PID1: variants seen among roughly 807,000 people sequenced by gnomAD.
PID1 encodes PTB-containing, cubilin and LRP1-interacting protein.
PID1 carries 10 observed loss-of-function variants against 19.1 expected under a neutral mutation model. That is an observed-to-expected ratio of 0.52 (90% CI 0.32 to 0.89). The LOEUF (loss-of-function observed/expected upper bound fraction) is 0.89, where lower values mean the gene tolerates loss of function less well. PID1 is among the 40% of genes least tolerant of loss of function. The pLI is 0.03. For synonymous variants in PID1, 130 were observed against 116.0 expected (o/e 1.12, Z -0.78); for missense variants, 248 against 285.3 (o/e 0.87, Z 0.94).
chr2:229,209,831 T>A (rs1343670889), intron 1 of PID1, among the ~76,000 whole-genome samples: 1 of 152,194 alleles, frequency 6.6e-6, no homozygotes, highest in Admixed American at 6.5e-5. Context: ...AGGTTCATTT[T>A]TATTTGTCAA....
At chr2:229,193,090 G>C (rs1003516181) in intron 1 of PID1, among the ~76,000 whole-genome samples, 5 of 152,174 alleles carry the variant, frequency 3.3e-5, no homozygotes, top group African/African-American at 7.2e-5. Context: ...ACTCTATCTT[G>C]TGATTTAATG....
intron 2 of PID1, among the ~76,000 whole-genome samples, chr2:229,057,135 A>G (rs1039289159): frequency 6.6e-6 from 1 of 152,058 alleles, no homozygotes; most frequent in Non-Finnish European, 1.5e-5. Flanking sequence ...AGAAGAACGT[A>G]AAAGTTAAAA....
At chr2:229,254,833 T>C (rs957041909) in intron 1 of PID1, among the ~76,000 whole-genome samples, 1 of 152,230 alleles carries the variant, frequency 6.6e-6, no homozygotes, top group African/African-American at 2.4e-5. Flanking sequence ...ATATTTGTAT[T>C]TTCTGAGTTT....
chr2:229,043,205 CAT>C (rs1264943176), intron 2 of PID1, among the ~76,000 whole-genome samples: 2 of 152,022 alleles, frequency 1.3e-5, no homozygotes, highest in Admixed American at 6.6e-5. Flanking sequence ...GAGGTTTTGC[CAT>C]GTTGGCCAGG....
Position 229,146,294 on chromosome 2 carries a change from A to T in PID1, c.177+9524T>A, listed in dbSNP as rs150741499. ...TTAAACAGTGAGAACACATGGACAC[A>T]GGGAGAGGAACAACACACTCCAGGG... On this transcript the variant is annotated intron_variant, in intron 2 of 2. Coordinates refer to ENST00000392055, the MANE Select transcript of PID1 (RefSeq NM_001100818.2). Among the ~76,000 whole-genome samples the T allele has an allele frequency of 7.5e-3, 1,141 of 152,236 alleles. 7 individuals are homozygous for T. Among genetic ancestry groups the T allele is most frequent in the South Asian group, 0.012 (56 of 4,824 alleles).
At chr2:229,086,252 A>G (rs1217590028) in intron 2 of PID1, among the ~76,000 whole-genome samples, 1 of 152,210 alleles carries the variant, frequency 6.6e-6, no homozygotes, top group African/African-American at 2.4e-5. Context: ...TCAAAAATGT[A>G]TTAAATACAT....
intron 1 of PID1, among the ~76,000 whole-genome samples, chr2:229,251,382 A>T (rs1280213275): frequency 6.6e-6 from 1 of 152,132 alleles, no homozygotes. Context: ...TTGGTCAAGA[A>T]TTACTAATCA....
At chr2:229,216,303 A>C (rs1349024841) in intron 1 of PID1, among the ~76,000 whole-genome samples, 1 of 152,130 alleles carries the variant, frequency 6.6e-6, no homozygotes, top group Non-Finnish European at 1.5e-5. Context: ...GGACGCTCAG[A>C]CTCATTGGAA....
intron 2 of PID1, among the ~76,000 whole-genome samples, chr2:229,068,349 C>T (rs916213617): frequency 1.3e-5 from 2 of 152,070 alleles, no homozygotes; most frequent in Non-Finnish European, 2.9e-5. Flanking sequence ...TCTCTACCTC[C>T]CACTTTTATT....
At chr2:229,037,997 G>A (rs545615581) in intron 2 of PID1, among the ~76,000 whole-genome samples, 5 of 152,126 alleles carry the variant, frequency 3.3e-5, no homozygotes, top group Admixed American at 2.0e-4. Flanking sequence ...ATTTTCCTTC[G>A]TGCACAACTC....
At chr2:229,132,204 C>A (rs1160674701) in intron 2 of PID1, among the ~76,000 whole-genome samples, 1 of 152,112 alleles carries the variant, frequency 6.6e-6, no homozygotes, top group Non-Finnish European at 1.5e-5. Flanking sequence ...ATAGACAAAG[C>A]CTTGTTCTAT....
At chr2:229,246,437 A>C (rs749363990) in intron 1 of PID1, among the ~76,000 whole-genome samples, 25 of 152,158 alleles carry the variant, frequency 1.6e-4, no homozygotes, top group Non-Finnish European at 3.5e-4. Flanking sequence ...AGAAACACAC[A>C]TACACATAAT....
chr2:229,142,076 C>T lies in PID1; in HGVS notation c.177+13742G>A, dbSNP rs74681298. 9.1e-3 allele frequency among the ~76,000 whole-genome samples: 1,389 copies of T among 151,988 alleles called. 10 individuals carry two copies. Among genetic ancestry groups the T allele is most frequent in the Non-Finnish European group, 0.013 (854 of 67,954 alleles). On this transcript the variant is annotated intron_variant, in intron 2 of 2. Coordinates refer to ENST00000392055, the MANE Select transcript of PID1 (RefSeq NM_001100818.2). Reference sequence around the variant, plus strand: ...TTTTATGACCCCGTGTTATTTATTGCCACTTTTTGGTCATATCTTATTTGT... The same window carrying T: ...TTTTATGACCCCGTGTTATTTATTGTCACTTTTTGGTCATATCTTATTTGT...
At chr2:229,218,293 CAAAAAAAAAAAA>C (rs67801043) in intron 1 of PID1, among the ~76,000 whole-genome samples, 8 of 67,598 alleles carry the variant, frequency 1.2e-4, no homozygotes, top group Non-Finnish European at 1.6e-4. Context: ...GTTTCCTGAG[CAAAAAAAAAAAA>C]AAAAAAAAAA....
In PID1 at chr2:229,094,505, A is replaced by G. The variant is rs1382400899; in HGVS notation, c.177+61313T>C. ...AAAGCAATCATAAGCAAAAAGAACA[A>G]ATCTAGGGGCATCACATTGCCTGAC... On this transcript the variant is annotated intron_variant, in intron 2 of 2. Coordinates refer to ENST00000392055, the MANE Select transcript of PID1 (RefSeq NM_001100818.2). 3.9e-5 allele frequency among the ~76,000 whole-genome samples: 6 copies of G among 152,148 alleles called. 1 individual carries two copies. Among genetic ancestry groups the G allele is most frequent in the African/African-American group, 1.4e-4 (6 of 41,450 alleles).
chr2:229,224,197 T>C (rs529414379), intron 1 of PID1, among the ~76,000 whole-genome samples: 63 of 152,292 alleles, frequency 4.1e-4, no homozygotes, highest in Middle Eastern at 3.4e-3. Flanking sequence ...TTGGCGATGA[T>C]GCAAAGAAAA....
At chr2:229,088,751 G>GA (rs1368340872) in intron 2 of PID1, among the ~76,000 whole-genome samples, 77 of 152,038 alleles carry the variant, frequency 5.1e-4, no homozygotes, top group African/African-American at 1.8e-3. Context: ...AAAATCAGAG[G>GA]CAAAAATACA....
intron 2 of PID1, among the ~76,000 whole-genome samples, chr2:229,108,689 C>T (rs941924860): frequency 1.3e-5 from 2 of 152,160 alleles, no homozygotes; most frequent in Non-Finnish European, 2.9e-5. Context: ...CTAGCAACTA[C>T]GGAATATGAA....
intron 2 of PID1, among the ~76,000 whole-genome samples, chr2:229,041,463 G>T (rs1693768970): frequency 6.6e-6 from 1 of 152,110 alleles, no homozygotes; most frequent in African/African-American, 2.4e-5. Context: ...AAAAAGAAAA[G>T]TTCCTATACT....
Sources: allele counts gnomAD v4.1 joint callset (sites outside exome capture counted in the v4.1 genomes callset), GRCh38; gene constraint gnomAD v4.1.1; transcripts MANE v1.5; gene names NCBI Gene and HGNC (gene_info 2026-07-23, HGNC 2026-07-21).